DNAJC13: variants seen among roughly 807,000 people sequenced by gnomAD.
The protein encoded by DNAJC13 is DnaJ heat shock protein family (Hsp40) member C13, also known as dnaJ homolog subfamily C member 13.
Under a neutral mutation model 290.5 loss-of-function variants are expected in DNAJC13, and 75 were observed. The ratio of observed to expected loss-of-function variants is 0.26; its 90% CI spans 0.21 to 0.31. The LOEUF is 0.31. DNAJC13 is among the 10% of genes least tolerant of loss of function. DNAJC13 has a pLI of 1.00. For synonymous variants in DNAJC13, 862 were observed against 892.0 expected (o/e 0.97, Z 0.60); for missense variants, 2,260 against 2,674.5 (o/e 0.85, Z 3.42).
chr3:132,494,133 T>C lies in DNAJC13; in HGVS notation c.3826-11T>C. The stretch of plus-strand genomic sequence containing the variant: ...TTACTTTGATATAAATTTTAATCTT[T>C]TGTCTTTAAGGTTAAGCTTCTAAAA... On this transcript the variant is annotated splice_polypyrimidine_tract_variant and intron_variant, in intron 33 of 55. Transcript: ENST00000260818. The C allele has an allele frequency of 1.3e-6, 2 of 1,546,106 alleles. No homozygotes were observed. Among genetic ancestry groups the C allele is most frequent in the Non-Finnish European group, 8.8e-7 (1 of 1,137,606 alleles).
Position 132,505,423 on chromosome 3 carries a change from A to C in DNAJC13, c.4998+8A>C. The C allele has an allele frequency of 6.5e-7, 1 of 1,528,630 alleles. No homozygotes were observed. The highest frequency in any genetic ancestry group is 1.1e-5 in the South Asian group (1 of 87,662). The allele number at this position is 1,528,630 out of a possible 1,614,324, so 94.7% of individuals were successfully genotyped here. A position where few individuals can be genotyped will look rare whatever the true frequency, so the allele number is the denominator to read the frequency against. On this transcript the variant is annotated splice_region_variant and intron_variant, in intron 42 of 55. Transcript: ENST00000260818. ...GAAAACATGATTAAAAAAGTATGTT[A>C]TTGTTTTATAAATTTCTTGGGTAAT...
chr3:132,442,248 C>T (rs550133806), intron 2 of DNAJC13, among the ~76,000 whole-genome samples: 24 of 152,116 alleles, frequency 1.6e-4, no homozygotes, highest in Admixed American at 8.5e-4. Context: ...CCTCCCGCCT[C>T]GGCCTCTCGA....
intron 2 of DNAJC13, among the ~76,000 whole-genome samples, chr3:132,442,534 T>C (rs1933105756): frequency 6.6e-6 from 1 of 152,212 alleles, no homozygotes; most frequent in African/African-American, 2.4e-5. Flanking sequence ...CCACCAATAC[T>C]ATCATCAGCA....
At chr3:132,516,842 G>C (rs1279584562) in intron 48 of DNAJC13, 26 bp downstream of exon 48, 16 of 1,536,710 alleles carry the variant, frequency 1.0e-5, no homozygotes, top group Admixed American at 1.8e-5. Flanking sequence ...GTTCTTGAAA[G>C]GAAATTAATT....
At position 132,523,012 on chromosome 3, in the gene DNAJC13, AG is replaced by A. The variant is rs1936138446; in HGVS notation, c.5843+17del. 1 of 1,604,858 alleles carries A rather than the reference AG, an allele frequency of 6.2e-7. No individual in the cohort carries two copies. Reference sequence around the variant, plus strand: ...ATGATGCTAGAGTAAGTAAAAACAAAGGTAATAATTTATAGCCTTTAAATAA... The same window carrying A: ...ATGATGCTAGAGTAAGTAAAAACAAAGTAATAATTTATAGCCTTTAAATAA... On this transcript the variant is annotated intron_variant, in intron 49 of 55. Transcript: ENST00000260818.
Position 132,478,515 on chromosome 3 carries a change from T to C in DNAJC13, c.2709+375T>C, listed in dbSNP as rs567266824. 5.9e-5 allele frequency among the ~76,000 whole-genome samples: 9 copies of C among 152,332 alleles called. No individual in the cohort carries two copies. The East Asian group carries it at 1.7e-3, about 29-fold the overall frequency. The stretch of plus-strand genomic sequence containing the variant: ...GATGCTACCATACTAAATTTAGAAG[T>C]GTGAAGATAGTAAAAACCTTTTAAA... On this transcript the variant is annotated intron_variant, in intron 24 of 55. Transcript: ENST00000260818.
intron 27 of DNAJC13, among the ~76,000 whole-genome samples, chr3:132,482,773 C>T (rs1449576719): frequency 1.3e-5 from 2 of 151,596 alleles, no homozygotes; most frequent in Non-Finnish European, 2.9e-5. Context: ...GTGGGAGGAT[C>T]GCTTGAGTCC....
rs6778924 is a variant in DNAJC13, at chr3:132,456,934, C to T, written c.1349+102C>T. The T allele has an allele frequency of 9.1e-3, 11,617 of 1,274,734 alleles. 238 individuals carry two copies. The highest frequency in any genetic ancestry group is 0.076 in the African/African-American group (5,070 of 66,834). The allele number at this position is 1,274,734 out of a possible 1,614,324, so 79.0% of individuals were successfully genotyped here. ...TCCTTTTCCTTGACTAAACCAGATA[C>T]CTTTTATAGGGTGATATGGTACTTT... On this transcript the variant is annotated intron_variant, in intron 12 of 55. Transcript: ENST00000260818.
intron 42 of DNAJC13, among the ~76,000 whole-genome samples, chr3:132,506,099 C>T (rs987919387): frequency 2.6e-5 from 3 of 113,504 alleles, no homozygotes; most frequent in Non-Finnish European, 5.1e-5. Flanking sequence ...TTGGCTCAGG[C>T]TGGAGTGCAA....
intron 25 of DNAJC13, among the ~76,000 whole-genome samples, chr3:132,479,786 T>C (rs1182876842): frequency 6.6e-6 from 1 of 152,140 alleles, no homozygotes; most frequent in Non-Finnish European, 1.5e-5. Flanking sequence ...AGTTGTAATA[T>C]ATAACATTAA....
chr3:132,427,131 A>AT (rs1388876059), intron 1 of DNAJC13, among the ~76,000 whole-genome samples: 8 of 137,348 alleles, frequency 5.8e-5, no homozygotes, highest in African/African-American at 1.2e-4. Flanking sequence ...ATATATATAT[A>AT]TATTTTTTTT....
chr3:132,469,759 T>G (rs1446719336), intron 20 of DNAJC13, among the ~76,000 whole-genome samples: 3 of 151,964 alleles, frequency 2.0e-5, no homozygotes, highest in African/African-American at 7.2e-5. Context: ...CTTTTAGGGT[T>G]TATATTTGAA....
chr3:132,499,948 G>A (rs1444316146), intron 38 of DNAJC13, 140 bp downstream of exon 38: 4 of 707,712 alleles, frequency 5.7e-6, no homozygotes, highest in Admixed American at 2.6e-5. Flanking sequence ...GATTCAGTGA[G>A]TCTGGGGTGG....
chr3:132,513,040 T>C lies in DNAJC13; in HGVS notation c.5326T>C (p.Leu1776=), dbSNP rs758288581. The C allele has an allele frequency of 1.9e-6, 3 of 1,613,376 alleles. No individual in the cohort carries two copies. In the South Asian group the frequency reaches 3.3e-5, roughly 18 times the overall value. ...SESECIGHFK[L]IFSLLRVHGA... ...GAGTGAATGCATTGGGCACTTTAAG[T>C]TGATATTTTCTCTTCTCCGAGTTCA... The change falls in exon 45 of 56, where the codon TTG becomes CTG. Residue 1776 remains leucine, a synonymous_variant. Transcript: ENST00000260818.
intron 2 of DNAJC13, among the ~76,000 whole-genome samples, chr3:132,445,509 T>C (rs1483235597): frequency 6.6e-6 from 1 of 152,110 alleles, no homozygotes; most frequent in South Asian, 2.1e-4. Flanking sequence ...TCGGCAACAA[T>C]TTAAGGAGCA....
chr3:132,527,099 T>G (rs558881239), intron 53 of DNAJC13, among the ~76,000 whole-genome samples: 9 of 152,366 alleles, frequency 5.9e-5, no homozygotes, highest in African/African-American at 1.9e-4. Context: ...TTTAAATGTT[T>G]CCACAAAAAA....
chr3:132,447,465 G>A lies in DNAJC13; in HGVS notation c.289G>A (p.Ala97Thr), dbSNP rs201731452. 7.6e-5 allele frequency: 119 copies of A among 1,569,540 alleles called. No individual in the cohort carries two copies. The highest frequency in any genetic ancestry group is 2.5e-4 in the Admixed American group (12 of 47,306). Residue 97 changes from alanine to threonine, a missense_variant, in exon 4 of 56, where the codon GCA (alanine) becomes ACA (threonine). This residue lies in a region of DNAJC13 where 762 missense variants were observed against 964.1 expected (regional missense o/e 0.79). Coordinates refer to ENST00000260818, the MANE Select transcript of DNAJC13 (RefSeq NM_015268.4). ...GCACAGAACAGAACTTCTTACAGAA[G>A]CATTGGTAAGAAGATTCCATGTTCA... ...TEHRTELLTE[A>T]LRFRTDFSEG...
intron 29 of DNAJC13, among the ~76,000 whole-genome samples, chr3:132,487,008 C>T (rs1239650308): frequency 6.6e-6 from 1 of 151,944 alleles, no homozygotes; most frequent in Admixed American, 6.6e-5. Context: ...TCCGTAATGT[C>T]AAGTCTTGAA....
At chr3:132,478,172 G>C (rs368011405) in intron 24 of DNAJC13, 32 bp downstream of exon 24, 68 of 1,561,938 alleles carry the variant, frequency 4.4e-5, no homozygotes, top group Non-Finnish European at 4.0e-5. Context: ...ATTACTATTT[G>C]ATAGTGTCAC....
Sources: allele counts gnomAD v4.1 joint callset (sites outside exome capture counted in the v4.1 genomes callset), GRCh38; gene constraint gnomAD v4.1.1; regional missense constraint gnomAD v4.1.1; transcripts MANE v1.5; gene names NCBI Gene and HGNC (gene_info 2026-07-23, HGNC 2026-07-21).